F13A1: variants seen among roughly 807,000 people sequenced by gnomAD.
F13A1 encodes the protein coagulation factor XIII A chain, also known as FSF, A subunit.
A neutral mutation model predicts 80.1 loss-of-function variants in F13A1; 47 were observed. The ratio of observed to expected loss-of-function variants is 0.59; its 90% CI spans 0.46 to 0.75. F13A1 has a LOEUF of 0.75. Among genes scored for constraint, F13A1 ranks in the 30% least tolerant of loss-of-function variants. The probability of loss-of-function intolerance (pLI) is 0.00; values close to 1 mark genes in which losing one functional copy is unlikely to be tolerated. For synonymous variants in F13A1, 349 were observed against 344.9 expected, an observed-to-expected ratio of 1.01 and a Z score of -0.13; for missense variants, 817 against 930.4, an observed-to-expected ratio of 0.88 and a Z score of 1.59.
At chr6:6,215,235 A>T (rs1187122341) in intron 8 of F13A1, among the ~76,000 whole-genome samples, 2 of 131,836 alleles carry the variant, frequency 1.5e-5, no homozygotes, top group Non-Finnish European at 3.4e-5. Context: ...AAAAAAAGAG[A>T]ATTTTAGACC....
intron 14 of F13A1, 130 bp from the exon 15 acceptor site, chr6:6,145,902 T>A: frequency 8.2e-7 from 1 of 1,223,168 alleles, no homozygotes; most frequent in African/African-American, 1.5e-5. Flanking sequence ...CTGAAGACTC[T>A]CACTGGCTGA....
intron 6 of F13A1, among the ~76,000 whole-genome samples, chr6:6,239,369 T>C (rs1233417817): frequency 1.2e-4 from 18 of 152,120 alleles, no homozygotes; most frequent in Admixed American, 1.2e-3. Context: ...CTTGTGGAAA[T>C]GTCTATATTT....
intron 13 of F13A1, among the ~76,000 whole-genome samples, chr6:6,158,635 G>A (rs772326466): frequency 2.6e-5 from 4 of 152,150 alleles, no homozygotes; most frequent in African/African-American, 7.2e-5. Context: ...GGGCAGGGGT[G>A]AATCTTGGTG....
In F13A1 at chr6:6,250,886, A is replaced by G. The variant is rs1238012167; in HGVS notation, c.615T>C (p.Tyr205=). The G allele has an allele frequency of 3.1e-6, 5 of 1,613,482 alleles. No homozygotes were observed. The highest frequency in any genetic ancestry group is 4.2e-6 in the Non-Finnish European group (5 of 1,179,590). ...AAATTACCCCGATGTCATTCAGGAC[A>G]TACTCTTCTCTTTCTTTCTCATTGT... ...YLDNEKEREE[Y]VLNDIGVIFY... Residue 205 remains tyrosine (Y), a synonymous_variant, in exon 5 of 15, where the codon TAT becomes TAC. Coordinates refer to ENST00000264870, the MANE Select transcript of F13A1 (RefSeq NM_000129.4). This position sits in a 1 kb window ranked among gnomAD's most constrained non-coding sequence, Gnocchi z 4.2.
In F13A1 at chr6:6,212,370, C is replaced by G. The variant is rs562703440; in HGVS notation, c.1112+9663G>C. Among the ~76,000 whole-genome samples, 66 of 152,140 alleles carry G rather than the reference C, an allele frequency of 4.3e-4. No homozygotes were observed. The South Asian group carries it at 0.011, about 26-fold the overall frequency. ...CTGCCTCCTCAAGTGGGTCCCTGAC[C>G]CCTGACCCCCAAGCAGCCTAACTGG... On this transcript the variant is annotated intron_variant, in intron 8 of 14. Coordinates refer to ENST00000264870, the MANE Select transcript of F13A1 (RefSeq NM_000129.4).
At chr6:6,286,305 G>A (rs916558014) in intron 3 of F13A1, among the ~76,000 whole-genome samples, 1 of 152,224 alleles carries the variant, frequency 6.6e-6, no homozygotes, top group African/African-American at 2.4e-5. Context: ...AGAATCACTT[G>A]AACCTGGGAA....
At chr6:6,299,624 A>G (rs1474456644) in intron 3 of F13A1, among the ~76,000 whole-genome samples, 2 of 138,200 alleles carry the variant, frequency 1.4e-5, no homozygotes, top group African/African-American at 6.3e-5. Flanking sequence ...ACTTCTCTGT[A>G]TTGGTTATTC....
intron 13 of F13A1, among the ~76,000 whole-genome samples, chr6:6,152,957 A>C (rs1760404430): frequency 6.6e-6 from 1 of 152,240 alleles, no homozygotes. Context: ...AAAAATGCTC[A>C]TAAAACGGCA....
Position 6,174,745 on chromosome 6 carries a change from C to A in F13A1, c.1582G>T (p.Ala528Ser). 1 of 1,614,186 alleles carries A rather than the reference C, an allele frequency of 6.2e-7. No individual in the cohort carries two copies. Among genetic ancestry groups the A allele is most frequent in the East Asian group, 2.2e-5 (1 of 44,870 alleles). Residue 528 changes from alanine (A) to serine (S), a missense_variant, in exon 12 of 15, where the codon GCT (alanine) becomes TCT (serine). By Grantham distance (99) the Ala-to-Ser change is moderately conservative. Coordinates refer to ENST00000264870, the MANE Select transcript of F13A1 (RefSeq NM_000129.4). ...NVDMDFEVEN[A>S]VLGKDFKLSI... is the part of the protein sequence containing the mutation. ...AGCTTGAAGTCTTTTCCCAGCACAG[C>A]ATTTTCCACTTCAAAGTCCATGTCA... is the stretch of plus-strand genomic sequence containing the variant.
chr6:6,320,021 G>C (rs1170622872), intron 1 of F13A1, among the ~76,000 whole-genome samples: 1 of 152,218 alleles, frequency 6.6e-6, no homozygotes, highest in South Asian at 2.1e-4. Context: ...GGGAGACACA[G>C]TGCTAAGGGG....
chr6:6,311,036 G>GT (rs2113193892), intron 2 of F13A1, among the ~76,000 whole-genome samples: 1 of 83,598 alleles, frequency 1.2e-5, no homozygotes, highest in Admixed American at 1.2e-4. Context: ...GGAAACATCT[G>GT]TCTTTTTTTT....
intron 8 of F13A1, among the ~76,000 whole-genome samples, chr6:6,209,287 C>T (rs967674041): frequency 1.3e-5 from 2 of 149,472 alleles, no homozygotes; most frequent in Admixed American, 1.3e-4. Flanking sequence ...CCATGAAATA[C>T]CACTTCACAC....
rs773177650 is a variant in F13A1 at position 6,266,670 on chromosome 6, A to G, written c.459T>C (p.Cys153=). The G allele has an allele frequency of 1.2e-5, 19 of 1,614,044 alleles. No homozygotes were observed. In the Admixed American group the frequency reaches 1.3e-4, roughly 11 times the overall value. ...CATACATGCGGAATTTCCCCACAAT[A>G]CATTTGGGGGAAGACTGGATGGACA... ...VRLSIQSSPK[C]IVGKFRMYVA... is the part of the protein sequence containing the mutation. Residue 153 remains cysteine (C), a synonymous_variant, in exon 4 of 15, where the codon TGT becomes TGC. Coordinates refer to ENST00000264870, the MANE Select transcript of F13A1 (RefSeq NM_000129.4).
chr6:6,238,652 A>G (rs1757444510), intron 6 of F13A1, among the ~76,000 whole-genome samples: 1 of 151,898 alleles, frequency 6.6e-6, no homozygotes, highest in African/African-American at 2.4e-5. Context: ...CAGAGCAACT[A>G]TAACTTAATA....
At chr6:6,209,717 C>T (rs940652975) in intron 8 of F13A1, among the ~76,000 whole-genome samples, 8 of 152,136 alleles carry the variant, frequency 5.3e-5, no homozygotes, top group South Asian at 2.1e-4. Context: ...ACCTTGAACA[C>T]GTTACGCTAA....
intron 11 of F13A1, among the ~76,000 whole-genome samples, chr6:6,180,581 G>GT (rs1412387631): frequency 3.3e-5 from 5 of 152,142 alleles, no homozygotes; most frequent in African/African-American, 1.2e-4. Context: ...GGCATTGCTT[G>GT]TTTGTTTTGT....
rs536523765 is a variant in F13A1, at chr6:6,273,986, T to C, written c.320-7177A>G. On this transcript the variant is annotated intron_variant, in intron 3 of 14. Transcript: ENST00000264870. Reference sequence around the variant, plus strand: ...AGAAACACAAGTATTCAAAAGCAAATCATCTCTTTGAGGACTGTAGAAATC... The same window carrying C: ...AGAAACACAAGTATTCAAAAGCAAACCATCTCTTTGAGGACTGTAGAAATC... Among the ~76,000 whole-genome samples, 3 of 152,282 alleles carry C rather than the reference T, an allele frequency of 2.0e-5. No individual in the cohort carries two copies. The East Asian group carries it at 5.8e-4, about 29-fold the overall frequency.
intron 3 of F13A1, among the ~76,000 whole-genome samples, chr6:6,276,789 A>G (rs1757994023): frequency 6.6e-6 from 1 of 152,248 alleles, no homozygotes; most frequent in African/African-American, 2.4e-5. Flanking sequence ...CATAAACTGA[A>G]CAAATTATTA....
At chr6:6,238,050 A>G (rs115246161) in intron 6 of F13A1, among the ~76,000 whole-genome samples, 3,961 of 152,314 alleles carry the variant, frequency 0.026, 180 homozygotes, top group African/African-American at 0.09. Flanking sequence ...TGACTACCTG[A>G]TTTGAAGGTT....
Sources: gnomAD v4.1 joint callset for allele counts (sites outside exome capture counted in the v4.1 genomes callset) on GRCh38, gnomAD v4.1.1 for gene constraint, Gnocchi (gnomAD v3.1) non-coding constraint, MANE v1.5 for transcripts, NCBI Gene and HGNC (gene_info 2026-07-23, HGNC 2026-07-21) for gene names.